The following DGLUCY variants were observed in gnomAD, a reference collection of about 807,000 sequenced individuals.
DGLUCY encodes the protein D-glutamate cyclase.
Under a neutral mutation model 58.5 loss-of-function variants are expected in DGLUCY, and 58 were observed. The ratio of observed to expected loss-of-function variants is 0.99; its 90% CI spans 0.80 to 1.23. DGLUCY has a LOEUF of 1.23. DGLUCY is among the 50% of genes most tolerant of loss of function. The pLI is 0.00. For missense variants in DGLUCY, 779 were observed against 784.7 expected (o/e 0.99, Z 0.09); for synonymous variants, 325 against 314.1 (o/e 1.03, Z -0.37).
In DGLUCY at chr14:91,209,433, G is replaced by A. The variant is rs559646032; in HGVS notation, c.1564+4608G>A. Reference sequence around the variant, plus strand: ...CTTAAAAAATCAAGATTGAGGCCGCGTGCGGTGGCTCACGCCTGTAATCCC... The same window carrying A: ...CTTAAAAAATCAAGATTGAGGCCGCATGCGGTGGCTCACGCCTGTAATCCC... On this transcript the variant is annotated intron_variant, in intron 12 of 13. Transcript: ENST00000256324. Among the ~76,000 whole-genome samples, 12 of 152,268 alleles carry A rather than the reference G, an allele frequency of 7.9e-5. No homozygotes were observed. The South Asian group carries it at 8.3e-4, about 11-fold the overall frequency.
chr14:91,176,223 TTTTA>T (rs1344298301), intron 7 of DGLUCY, among the ~76,000 whole-genome samples, 167 bp downstream of exon 7: 1 of 152,150 alleles, frequency 6.6e-6, no homozygotes, highest in Non-Finnish European at 1.5e-5. Flanking sequence ...GGTTTCCTTC[TTTTA>T]TTTATTTATT....
At chr14:91,104,605 C>A (rs1381367108), upstream of DGLUCY, among the ~76,000 whole-genome samples, 1 of 152,202 alleles carries the variant, frequency 6.6e-6, no homozygotes, top group African/African-American at 2.4e-5. Context: ...ACTCATCACA[C>A]CTAGCTCATC....
intron 1 of DGLUCY, among the ~76,000 whole-genome samples, chr14:91,152,258 T>A (rs1566968966): frequency 6.6e-6 from 1 of 152,004 alleles, no homozygotes; most frequent in Non-Finnish European, 1.5e-5. Flanking sequence ...CTGGGCACAG[T>A]GGTGCATGCC....
At chr14:91,195,082 A>G (rs1476120717) in intron 9 of DGLUCY, among the ~76,000 whole-genome samples, 1 of 152,070 alleles carries the variant, frequency 6.6e-6, no homozygotes, top group Non-Finnish European at 1.5e-5. Context: ...GATGATGGAG[A>G]TTGAGGAGCT....
chr14:91,097,833 C>T (rs1223293976), intron 1 of DGLUCY, among the ~76,000 whole-genome samples: 1 of 152,126 alleles, frequency 6.6e-6, no homozygotes, highest in Non-Finnish European at 1.5e-5. Flanking sequence ...GCCACCACGC[C>T]CAGCTAATTT....
At chr14:91,160,849 T>C in intron 3 of DGLUCY, among the ~76,000 whole-genome samples, 1 of 152,192 alleles carries the variant, frequency 6.6e-6, no homozygotes, top group African/African-American at 2.4e-5. Context: ...TAAAAGGTCC[T>C]GCAAGAGAAA....
At chr14:91,210,405 A>C (rs542778038) in intron 12 of DGLUCY, among the ~76,000 whole-genome samples, 6 of 151,942 alleles carry the variant, frequency 3.9e-5, no homozygotes, top group Non-Finnish European at 7.4e-5. Context: ...GGTGGTGTGC[A>C]CTTGTAGACC....
In DGLUCY at chr14:91,136,075, C is replaced by T. The variant is rs970602015; in HGVS notation, c.-81-21564C>T. The stretch of plus-strand genomic sequence containing the variant: ...TCAGCCTCCCGAGTAGCTGGGACTA[C>T]AGGGGCCCGCCACTATGCCCGGCTA... On this transcript the variant is annotated intron_variant, in intron 1 of 13. Transcript: ENST00000256324. Among the ~76,000 whole-genome samples, 56 of 151,262 alleles carry T rather than the reference C, an allele frequency of 3.7e-4. 1 individual carries two copies. The highest frequency in any genetic ancestry group is 6.9e-3 in the Middle Eastern group (2 of 290).
In DGLUCY at chr14:91,062,612, A is replaced by AT. The variant is rs1566925850; in HGVS notation, c.-82+1908_-82+1909insT. On this transcript the variant is annotated intron_variant, in intron 1 of 4. Transcript: ENST00000521334. ...ATATATATATATATATATATATATA[A>AT]ACAATCCTTAGCTCAAGGGCAGTTA... is the stretch of plus-strand genomic sequence containing the variant. Among the ~76,000 whole-genome samples, 137 of 28,676 alleles carry AT rather than the reference A, an allele frequency of 4.8e-3. 19 individuals carry two copies. Among genetic ancestry groups the AT allele is most frequent in the South Asian group, 0.012 (7 of 596 alleles). The allele number at this position is 28,676 out of a possible 152,430, so 18.8% of individuals were successfully genotyped here.
intron 9 of DGLUCY, 100 bp from the exon 10 acceptor site, chr14:91,196,261 ATGTTGTTCAACAAC>A: frequency 1.3e-6 from 1 of 745,844 alleles, no homozygotes; most frequent in African/African-American, 1.7e-5. Flanking sequence ...CTACAGATAG[ATGTTGTTCAACAAC>A]AGTAATGATA....
chr14:91,192,515 A>G (rs1040052519), intron 9 of DGLUCY, among the ~76,000 whole-genome samples: 2 of 152,214 alleles, frequency 1.3e-5, no homozygotes, highest in Non-Finnish European at 2.9e-5. Flanking sequence ...CACGCCTGTA[A>G]TCCCAGCGCT....
Position 91,214,442 on chromosome 14 carries a change from G to C in DGLUCY, c.1565-963G>C, listed in dbSNP as rs1268425350. On this transcript the variant is annotated intron_variant, in intron 12 of 13. Coordinates refer to ENST00000256324, the MANE Select transcript of DGLUCY (RefSeq NM_001102368.3). ...AGGAAGGGAAGTCTGAGGCTGATTTGGGAGTGATCTTTGAGCACATGAAGA... is the reference window on the plus strand; with the variant it reads ...AGGAAGGGAAGTCTGAGGCTGATTTCGGAGTGATCTTTGAGCACATGAAGA... 2.0e-5 allele frequency among the ~76,000 whole-genome samples: 3 copies of C among 152,210 alleles called. No individual in the cohort carries two copies. In the East Asian group the frequency reaches 5.8e-4, roughly 29 times the overall value.
At chr14:91,117,764 G>A (rs8007818) in intron 1 of DGLUCY, among the ~76,000 whole-genome samples, 128,242 of 152,102 alleles carry the variant, frequency 0.84, 54,391 homozygotes, top group East Asian at 1. Context: ...ACATGTGCCT[G>A]ACATGGTTGG....
At chr14:91,106,318 C>A (rs922681315), upstream of DGLUCY, among the ~76,000 whole-genome samples, 31 of 151,516 alleles carry the variant, frequency 2.0e-4, no homozygotes, top group African/African-American at 5.8e-4. Context: ...CTACCCCCCC[C>A]CAAAAAACTT....
chr14:91,060,414 G>C, exon 1 of DGLUCY: 1 of 1,503,354 alleles, frequency 6.7e-7, no homozygotes, highest in Non-Finnish European at 8.9e-7. Context: ...CGCCGCCGCT[G>C]CTGCCACCCT....
chr14:91,074,899 C>T (rs1460739916), intron 1 of DGLUCY, among the ~76,000 whole-genome samples: 1 of 151,796 alleles, frequency 6.6e-6, no homozygotes, highest in Non-Finnish European at 1.5e-5. Context: ...ATGGAGAAAC[C>T]CCATCTCTAC....
At chr14:91,183,419 C>T (rs2049303652) in intron 8 of DGLUCY, among the ~76,000 whole-genome samples, 1 of 152,216 alleles carries the variant, frequency 6.6e-6, no homozygotes. Context: ...TGCAGTTTCA[C>T]CTGCCATTGT....
chr14:91,097,386 A>C (rs1292427404), intron 1 of DGLUCY, among the ~76,000 whole-genome samples: 1 of 152,196 alleles, frequency 6.6e-6, no homozygotes, highest in Non-Finnish European at 1.5e-5. Flanking sequence ...ACAGAGCGAG[A>C]CACTGTCTCA....
chr14:91,134,349 A>G (rs1374872986), intron 1 of DGLUCY, among the ~76,000 whole-genome samples: 2 of 152,104 alleles, frequency 1.3e-5, no homozygotes, highest in Non-Finnish European at 2.9e-5. Flanking sequence ...CATATTTTCC[A>G]TAAACGATTT....
Sources: allele counts gnomAD v4.1 joint callset (sites outside exome capture counted in the v4.1 genomes callset), GRCh38; gene constraint gnomAD v4.1.1; transcripts MANE v1.5; gene names NCBI Gene and HGNC (gene_info 2026-07-23, HGNC 2026-07-21).